ACSBG2: variants seen among roughly 807,000 people sequenced by gnomAD.
The protein encoded by ACSBG2 is long-chain-fatty-acid--CoA ligase ACSBG2.
In ACSBG2, 62 loss-of-function variants were observed where a neutral mutation model predicts 74.7. The observed-to-expected ratio is 0.83, with a 90% CI of 0.68 to 1.03. The LOEUF is 1.03. Among genes scored for constraint, ACSBG2 ranks in the 50% least tolerant of loss-of-function variants. The pLI, the probability that ACSBG2 is intolerant of heterozygous loss-of-function variation, is 0.00. For missense variants in ACSBG2, 730 were observed against 817.6 expected, an observed-to-expected ratio of 0.89 and a Z score of 1.31; for synonymous variants, 309 against 294.1, an observed-to-expected ratio of 1.05 and a Z score of -0.52.
intron 7 of ACSBG2, chr19:6,175,799 T>C (rs1467369709): frequency 6.6e-6 from 1 of 152,254 alleles, no homozygotes; most frequent in Non-Finnish European, 1.5e-5. Flanking sequence ...CTAATAATGC[T>C]AATTACTGGG....
At chr19:6,168,310 G>T (rs1193932469) in intron 7 of ACSBG2, among the ~76,000 whole-genome samples, 1 of 152,068 alleles carries the variant, frequency 6.6e-6, no homozygotes, top group Non-Finnish European at 1.5e-5. Flanking sequence ...CCCCTCCTTC[G>T]GGTGGGTCTC....
intron 4 of ACSBG2, among the ~76,000 whole-genome samples, chr19:6,156,161 C>T (rs147162701): frequency 7.6e-4 from 116 of 152,258 alleles, no homozygotes; most frequent in African/African-American, 2.6e-3. Flanking sequence ...AGTGACTTCA[C>T]TGCTGGGCCC....
intron 10 of ACSBG2, among the ~76,000 whole-genome samples, chr19:6,183,828 C>G (rs928517649): frequency 6.6e-6 from 1 of 152,180 alleles, no homozygotes; most frequent in Non-Finnish European, 1.5e-5. Flanking sequence ...GAGATAGGGT[C>G]TCACTTTGTT....
At position 6,147,494 on chromosome 19, in the gene ACSBG2, G is replaced by A. The variant is rs2089076456; in HGVS notation, c.116G>A (p.Arg39Lys). Residue 39 changes from arginine to lysine, a missense_variant, in exon 3 of 15, where the codon AGG becomes AAG. Transcript: ENST00000588485. ...TGTCGAGATGGAGAAGTCCTTCTGAGGCTATCCAAACACGGACCAGGCCAT... is the reference window on the plus strand; with the variant it reads ...TGTCGAGATGGAGAAGTCCTTCTGAAGCTATCCAAACACGGACCAGGCCAT... Reference protein sequence around the residue: ...TTCRDGEVLLRLSKHGPGHET... With the variant: ...TTCRDGEVLLKLSKHGPGHET... 1.2e-6 allele frequency: 2 copies of A among 1,614,068 alleles called. No individual in the cohort carries two copies. Among genetic ancestry groups the A allele is most frequent in the African/African-American group, 2.7e-5 (2 of 74,930 alleles).
chr19:6,179,294 T>TA (rs201819975), intron 8 of ACSBG2, among the ~76,000 whole-genome samples: 78 of 23,866 alleles, frequency 3.3e-3, no homozygotes, highest in South Asian at 0.017. Flanking sequence ...CTTTTCTAAA[T>TA]TTTTTTTTTT....
At chr19:6,181,821 C>CCCCCCCCG (rs1441586477) in intron 8 of ACSBG2, among the ~76,000 whole-genome samples, 3 of 122,828 alleles carry the variant, frequency 2.4e-5, no homozygotes, top group Admixed American at 1.7e-4. Flanking sequence ...CCGCCCCCCC[C>CCCCCCCCG]CCCAACGAAA....
At chr19:6,166,145 A>G in intron 7 of ACSBG2, 130 bp downstream of exon 7, 1 of 1,173,022 alleles carries the variant, frequency 8.5e-7, no homozygotes, top group Non-Finnish European at 1.2e-6. Context: ...GTTAGAGAGT[A>G]GCGTAGTTGC....
chr19:6,157,307 G>A (rs2145093188), intron 5 of ACSBG2, among the ~76,000 whole-genome samples: 1 of 152,272 alleles, frequency 6.6e-6, no homozygotes. Context: ...TGTAATCCGG[G>A]CACTTTGGGA....
At chr19:6,192,240 T>A (rs2090585803) in intron 14 of ACSBG2, among the ~76,000 whole-genome samples, 1 of 152,164 alleles carries the variant, frequency 6.6e-6, no homozygotes, top group South Asian at 2.1e-4. Flanking sequence ...AGAGACAGGG[T>A]CTTGCTCTGT....
At position 6,182,888 on chromosome 19, in the gene ACSBG2, G is replaced by C. The variant is rs754726964; in HGVS notation, c.1044G>C (p.Trp348Cys). The stretch of plus-strand genomic sequence containing the variant: ...GCTTGAAGAAGAAGGCATTCGTGTG[G>C]GCAAGAAACATTGGCTTCAAGGTCA... ...SMGLKKKAFVWARNIGFKVNS... is the reference protein window; with the variant it reads ...SMGLKKKAFVCARNIGFKVNS... The change falls in exon 9 of 15, where the codon TGG becomes TGC. Residue 348 changes from tryptophan (W) to cysteine (C), a missense_variant. Transcript: ENST00000588485. The C allele has an allele frequency of 5.6e-6, 9 of 1,614,012 alleles. No individual in the cohort carries two copies. The African/African-American group carries it at 1.2e-4, about 22-fold the overall frequency.
At chr19:6,153,330 C>A (rs767122960) in intron 4 of ACSBG2, among the ~76,000 whole-genome samples, 1 of 152,142 alleles carries the variant, frequency 6.6e-6, no homozygotes, top group Non-Finnish European at 1.5e-5. Context: ...TATATGATAT[C>A]ATTGACTGCT....
In ACSBG2 at chr19:6,180,859, A is replaced by C. The variant is rs1235347294; in HGVS notation, c.907-1892A>C. On this transcript the variant is annotated intron_variant, in intron 8 of 14. Coordinates refer to ENST00000588485, the MANE Select transcript of ACSBG2 (RefSeq NM_030924.5). This position sits in a 1 kb window ranked among gnomAD's most constrained non-coding sequence, Gnocchi z 4.3. ...AGAAATCTGTTCAAATAGTTTGCCCATATAAAAATGTGGTTGCTCTTTCTG... is the reference window on the plus strand; with the variant it reads ...AGAAATCTGTTCAAATAGTTTGCCCCTATAAAAATGTGGTTGCTCTTTCTG... Among the ~76,000 whole-genome samples the C allele has an allele frequency of 6.6e-6, 1 of 152,118 alleles. No homozygotes were observed. The highest frequency in any genetic ancestry group is 2.4e-5 in the African/African-American group (1 of 41,418).
Position 6,162,394 on chromosome 19 carries a change from G to A in ACSBG2, c.588+1099G>A, listed in dbSNP as rs571251575. 1.7e-4 allele frequency among the ~76,000 whole-genome samples: 26 copies of A among 150,938 alleles called. No homozygotes were observed. The South Asian group carries it at 5.2e-3, about 30-fold the overall frequency. ...ATCCTGGCTAACACGGTGAAACCCC[G>A]TCTCTATTGAAAATACAAAAAAATT... On this transcript the variant is annotated intron_variant, in intron 6 of 14. Coordinates refer to ENST00000588485, the MANE Select transcript of ACSBG2 (RefSeq NM_030924.5).
At chr19:6,187,184 T>C in intron 11 of ACSBG2, 99 bp from the exon 12 acceptor site, 2 of 1,523,152 alleles carry the variant, frequency 1.3e-6, no homozygotes, top group Non-Finnish European at 1.8e-6. Context: ...TTTGTATATT[T>C]AGTAGAGACG....
At position 6,165,895 on chromosome 19, in the gene ACSBG2, T is replaced by A. The variant is rs756957084; in HGVS notation, c.618T>A (p.Ser206Arg). The change falls in exon 7 of 15, where the codon AGT (serine) becomes AGA (arginine). Residue 206 changes from serine (S) to arginine (R), a missense_variant. Transcript: ENST00000588485. ...SWDDFMELGR[S>R]IPDTQLEQVI... Reference sequence around the variant, plus strand: ...ATGATTTCATGGAACTTGGCAGAAGTATCCCTGACACCCAACTGGAGCAGG... The same window carrying A: ...ATGATTTCATGGAACTTGGCAGAAGAATCCCTGACACCCAACTGGAGCAGG... 7 of 1,614,130 alleles carry A rather than the reference T, an allele frequency of 4.3e-6. No individual in the cohort carries two copies. Among genetic ancestry groups the A allele is most frequent in the Non-Finnish European group, 5.9e-6 (7 of 1,179,992 alleles).
chr19:6,175,095 T>G (rs1480082147), intron 7 of ACSBG2, among the ~76,000 whole-genome samples: 1 of 152,192 alleles, frequency 6.6e-6, no homozygotes, highest in Non-Finnish European at 1.5e-5. Flanking sequence ...CATCATAGAC[T>G]ATACACAACA....
rs2145223896 is a variant in ACSBG2, at chr19:6,180,782, G to A, written c.907-1969G>A. Among the ~76,000 whole-genome samples, 1 of 152,252 alleles carries A rather than the reference G, an allele frequency of 6.6e-6. No individual in the cohort carries two copies. Among genetic ancestry groups the A allele is most frequent in the East Asian group, 1.9e-4 (1 of 5,186 alleles). ...TGCATTTCCTTGGTGATTAATGATA[G>A]TGAGCATCTCTTCATGTGTTTATTG... On this transcript the variant is annotated intron_variant, in intron 8 of 14. Transcript: ENST00000588485. The surrounding 1 kb of genome is among the most constrained non-coding windows in gnomAD (Gnocchi z 4.3).
Position 6,180,700 on chromosome 19 carries a change from A to C in ACSBG2, c.907-2051A>C, listed in dbSNP as rs772605760. ...AATGTGCGAAGGTTACAGTTTCTCT[A>C]CATCTTCACTAACGCATGTTACTAT... On this transcript the variant is annotated intron_variant, in intron 8 of 14. Coordinates refer to ENST00000588485, the MANE Select transcript of ACSBG2 (RefSeq NM_030924.5). The surrounding 1 kb of genome is among the most constrained non-coding windows in gnomAD (Gnocchi z 4.3). Among the ~76,000 whole-genome samples, 3 of 152,220 alleles carry C rather than the reference A, an allele frequency of 2.0e-5. No individual in the cohort carries two copies. The highest frequency in any genetic ancestry group is 2.9e-5 in the Non-Finnish European group (2 of 68,036).
intron 7 of ACSBG2, chr19:6,175,252 T>C: frequency 6.6e-6 from 1 of 152,218 alleles, no homozygotes; most frequent in East Asian, 1.9e-4. Flanking sequence ...TGTCCTTTAC[T>C]GCAGTTAACC....
Sources: gnomAD v4.1 joint callset for allele counts (sites outside exome capture counted in the v4.1 genomes callset) on GRCh38, gnomAD v4.1.1 for gene constraint, Gnocchi (gnomAD v3.1) non-coding constraint, MANE v1.5 for transcripts, NCBI Gene and HGNC (gene_info 2026-07-23, HGNC 2026-07-21) for gene names.